NELL2: variants seen among roughly 807,000 people sequenced by gnomAD.
NELL2 encodes the protein neural EGFL like 2.
NELL2 carries 41 observed loss-of-function variants against 109.6 expected under a neutral mutation model. The observed-to-expected ratio is 0.37, with a 90% CI of 0.29 to 0.49. NELL2 has a LOEUF of 0.49. NELL2 is among the 20% of genes least tolerant of loss of function. The pLI, the probability that NELL2 is intolerant of heterozygous loss-of-function variation, is 0.98. For synonymous variants in NELL2, 355 were observed against 344.7 expected, an observed-to-expected ratio of 1.03 and a Z score of -0.33; for missense variants, 900 against 1,008.3, an observed-to-expected ratio of 0.89 and a Z score of 1.45.
chr12:44,675,991 TTAAAGTA>T (rs1433270641), intron 12 of NELL2, among the ~76,000 whole-genome samples: 2 of 152,152 alleles, frequency 1.3e-5, no homozygotes, highest in African/African-American at 4.8e-5. Context: ...GTTTTGTTTT[TTAAAGTA>T]TAGTGTATTT....
intron 16 of NELL2, among the ~76,000 whole-genome samples, chr12:44,527,899 T>C (rs1941860480): frequency 6.6e-6 from 1 of 151,272 alleles, no homozygotes; most frequent in Non-Finnish European, 1.5e-5. Context: ...TGAGACCATC[T>C]CTGGCTAACA....
chr12:44,547,007 C>T (rs1405581701), intron 15 of NELL2, among the ~76,000 whole-genome samples: 3 of 151,934 alleles, frequency 2.0e-5, no homozygotes, highest in African/African-American at 7.3e-5. Flanking sequence ...CATTCACACA[C>T]AAACCTTTTT....
chr12:44,626,428 G>A (rs927660380), intron 13 of NELL2, among the ~76,000 whole-genome samples: 39 of 152,078 alleles, frequency 2.6e-4, no homozygotes, highest in Non-Finnish European at 4.6e-4. Context: ...CTGCTCAGAG[G>A]ACACCTCCTT....
At chr12:44,583,161 G>A (rs1405341562) in intron 15 of NELL2, among the ~76,000 whole-genome samples, 2 of 152,124 alleles carry the variant, frequency 1.3e-5, no homozygotes, top group Admixed American at 1.3e-4. Flanking sequence ...CATACTGAAT[G>A]AGCCAAGGAA....
At chr12:44,668,278 A>G (rs909565088) in intron 12 of NELL2, among the ~76,000 whole-genome samples, 1 of 151,962 alleles carries the variant, frequency 6.6e-6, no homozygotes, top group Non-Finnish European at 1.5e-5. Context: ...CTCCCTAGAA[A>G]CTGAGAGCCG....
intron 13 of NELL2, among the ~76,000 whole-genome samples, chr12:44,614,484 C>T (rs1945746834): frequency 6.6e-6 from 1 of 151,906 alleles, no homozygotes; most frequent in Admixed American, 6.6e-5. Context: ...TGCATCTGTA[C>T]ATACAATGTA....
intron 9 of NELL2, among the ~76,000 whole-genome samples, chr12:44,740,300 G>T (rs1592434357): frequency 6.6e-6 from 1 of 152,264 alleles, no homozygotes; most frequent in East Asian, 1.9e-4. Flanking sequence ...ATTACTCTGG[G>T]TGTACTTGTA....
At chr12:44,666,176 A>G (rs553767145) in intron 12 of NELL2, among the ~76,000 whole-genome samples, 3 of 152,340 alleles carry the variant, frequency 2.0e-5, no homozygotes, top group East Asian at 3.9e-4. Context: ...ATAGATGAGA[A>G]GTTACAAAAT....
chr12:44,781,661 C>T (rs546582622), intron 3 of NELL2, among the ~76,000 whole-genome samples: 190 of 152,168 alleles, frequency 1.2e-3, no homozygotes, highest in Middle Eastern at 3.4e-3. Context: ...CAGAGAAAAT[C>T]TTGCACATTA....
chr12:44,679,937 G>T (rs747057006), intron 12 of NELL2, among the ~76,000 whole-genome samples: 1 of 152,036 alleles, frequency 6.6e-6, no homozygotes, highest in East Asian at 1.9e-4. Flanking sequence ...TAGTTAGTAG[G>T]TATCTTGGCT....
At chr12:44,520,563 G>A (rs917573457) in intron 18 of NELL2, among the ~76,000 whole-genome samples, 5 of 152,016 alleles carry the variant, frequency 3.3e-5, no homozygotes, top group Admixed American at 3.3e-4. Context: ...TCAATTTAAC[G>A]TTTTTGCCCA....
At chr12:44,583,773 T>A (rs1002879928) in intron 15 of NELL2, among the ~76,000 whole-genome samples, 11 of 152,014 alleles carry the variant, frequency 7.2e-5, no homozygotes, top group African/African-American at 2.7e-4. Flanking sequence ...TTCTATATAT[T>A]TATTTATTTA....
At chr12:44,883,272 T>A (rs911534242) in intron 1 of NELL2, among the ~76,000 whole-genome samples, 4 of 152,006 alleles carry the variant, frequency 2.6e-5, no homozygotes, top group African/African-American at 9.7e-5. Flanking sequence ...TCTATTTCTA[T>A]ACCTTTTTTA....
At chr12:44,660,913 G>T (rs1315375435) in intron 13 of NELL2, among the ~76,000 whole-genome samples, 1 of 152,104 alleles carries the variant, frequency 6.6e-6, no homozygotes, top group Non-Finnish European at 1.5e-5. Context: ...GTTAGGTGAT[G>T]GTTTGGCAAT....
intron 15 of NELL2, among the ~76,000 whole-genome samples, chr12:44,565,732 A>C (rs1211516633): frequency 6.6e-6 from 1 of 152,212 alleles, no homozygotes; most frequent in Non-Finnish European, 1.5e-5. Flanking sequence ...GTAAGACTTA[A>C]ATATCATAAT....
chr12:44,867,070 T>C (rs1299360420), intron 2 of NELL2, among the ~76,000 whole-genome samples: 1 of 152,214 alleles, frequency 6.6e-6, no homozygotes, highest in East Asian at 1.9e-4. Flanking sequence ...AAATAACCAA[T>C]ACCAATCCTT....
intron 12 of NELL2, among the ~76,000 whole-genome samples, chr12:44,691,353 C>T (rs1405687272): frequency 5.9e-5 from 9 of 152,100 alleles, no homozygotes; most frequent in Non-Finnish European, 1.2e-4. Flanking sequence ...TTCGAATTCT[C>T]CTAAGGCACT....
intron 2 of NELL2, among the ~76,000 whole-genome samples, chr12:44,834,453 T>C (rs1223117610): frequency 4.6e-5 from 5 of 107,724 alleles, no homozygotes; most frequent in Non-Finnish European, 9.9e-5. Context: ...TTTTTTTTTT[T>C]GTCTCTTTAA....
intron 3 of NELL2, among the ~76,000 whole-genome samples, chr12:44,808,636 C>T (rs1449654402): frequency 1.3e-5 from 2 of 151,812 alleles, no homozygotes; most frequent in Admixed American, 1.3e-4. Context: ...AGTTTAGTAG[C>T]TTTTATGTCA....
Sources: gnomAD v4.1 joint callset for allele counts (sites outside exome capture counted in the v4.1 genomes callset) on GRCh38, gnomAD v4.1.1 for gene constraint, MANE v1.5 for transcripts, NCBI Gene and HGNC (gene_info 2026-07-23, HGNC 2026-07-21) for gene names.